MALT1: variants seen among roughly 807,000 people sequenced by gnomAD.
MALT1 encodes the protein MALT1 paracaspase, also known as mucosa-associated lymphoid tissue lymphoma translocation protein 1.
A neutral mutation model predicts 85.5 loss-of-function variants in MALT1; 36 were observed. That is an observed-to-expected ratio of 0.42 (90% CI 0.32 to 0.56). MALT1 has a LOEUF of 0.56. Among genes scored for constraint, MALT1 ranks in the 20% least tolerant of loss-of-function variants. The pLI, the probability that MALT1 is intolerant of heterozygous loss-of-function variation, is 0.10. For missense variants in MALT1, 716 were observed against 981.6 expected (o/e 0.73, Z 3.62); for synonymous variants, 359 against 361.3 (o/e 0.99, Z 0.07).
intron 2 of MALT1, among the ~76,000 whole-genome samples, chr18:58,694,166 C>T (rs564522659): frequency 2.0e-5 from 3 of 152,188 alleles, no homozygotes; most frequent in African/African-American, 7.2e-5. Context: ...TGAATGTCCT[C>T]CCTTGGCAAG....
At chr18:58,683,972 C>T (rs1018294716) in intron 2 of MALT1, among the ~76,000 whole-genome samples, 17 of 152,170 alleles carry the variant, frequency 1.1e-4, no homozygotes, top group Admixed American at 2.6e-4. Context: ...TGCTCTGTCT[C>T]CCAGGCTGGA....
intron 1 of MALT1, among the ~76,000 whole-genome samples, chr18:58,679,111 C>A (rs535934934): frequency 1.3e-5 from 2 of 152,296 alleles, no homozygotes; most frequent in South Asian, 4.2e-4. Flanking sequence ...GTACTTTCCC[C>A]TTCTATAAAA....
At chr18:58,704,505 G>A (rs767787242) in intron 4 of MALT1, among the ~76,000 whole-genome samples, 1 of 152,184 alleles carries the variant, frequency 6.6e-6, no homozygotes, top group Non-Finnish European at 1.5e-5. Context: ...CACCGAGGTT[G>A]GAGTGCAGTG....
In MALT1 at chr18:58,730,123, A is replaced by G. The variant is rs771122389; in HGVS notation, c.1223-3274A>G. Among the ~76,000 whole-genome samples, 48 of 152,232 alleles carry G rather than the reference A, an allele frequency of 3.2e-4. 1 individual carries two copies. Among genetic ancestry groups the G allele is most frequent in the Admixed American group, 3.9e-4 (6 of 15,280 alleles). ...AGTTTATCTTGCTCTTGAAGCAGTA[A>G]AGAGACTGATGGAAAATAAAGTTAT... On this transcript the variant is annotated intron_variant, in intron 10 of 16. Coordinates refer to ENST00000649217, the MANE Select transcript of MALT1 (RefSeq NM_006785.4).
intron 2 of MALT1, among the ~76,000 whole-genome samples, chr18:58,688,767 T>G (rs1287162597): frequency 6.6e-6 from 1 of 152,094 alleles, no homozygotes. Context: ...AGCCGTGTCC[T>G]GGTGTGGGAT....
chr18:58,733,410 T>C lies in MALT1; in HGVS notation c.1236T>C (p.Tyr412=), dbSNP rs750258421. The C allele has an allele frequency of 5.6e-6, 9 of 1,606,686 alleles. No individual in the cohort carries two copies. Among genetic ancestry groups the C allele is most frequent in the South Asian group, 1.1e-5 (1 of 89,346 alleles). Residue 412 remains tyrosine, a synonymous_variant, in exon 11 of 17, where the codon TAT becomes TAC. Coordinates refer to ENST00000649217, the MANE Select transcript of MALT1 (RefSeq NM_006785.4). ...LDKGVYGLLY[Y]AGHGYENFGN... ...TCCTCTTTTCAGGGTTATTATATTA[T>C]GCAGGACATGGTTATGAAAATTTTG... is the stretch of plus-strand genomic sequence containing the variant.
At chr18:58,701,582 A>G (rs1209953042) in intron 4 of MALT1, among the ~76,000 whole-genome samples, 1 of 152,214 alleles carries the variant, frequency 6.6e-6, no homozygotes, top group Admixed American at 6.5e-5. Flanking sequence ...CTTACCAGTT[A>G]TGCAATTCAT....
At chr18:58,688,321 C>CACAT (rs2054437555) in intron 2 of MALT1, among the ~76,000 whole-genome samples, 1 of 142,434 alleles carries the variant, frequency 7.0e-6, no homozygotes, top group Non-Finnish European at 1.6e-5. Context: ...CACACACACA[C>CACAT]ACACACGCTT....
chr18:58,708,199 A>T (rs1276689685), intron 4 of MALT1, among the ~76,000 whole-genome samples: 1 of 152,174 alleles, frequency 6.6e-6, no homozygotes, highest in African/African-American at 2.4e-5. Context: ...TGCACTTCAC[A>T]GGTGATCTTT....
chr18:58,707,845 G>A lies in MALT1; in HGVS notation c.650-1533G>A, dbSNP rs183815611. Among the ~76,000 whole-genome samples the A allele has an allele frequency of 6.6e-5, 10 of 152,244 alleles. No individual in the cohort carries two copies. The East Asian group carries it at 1.7e-3, about 26-fold the overall frequency. On this transcript the variant is annotated intron_variant, in intron 4 of 16. Coordinates refer to ENST00000649217, the MANE Select transcript of MALT1 (RefSeq NM_006785.4). The stretch of plus-strand genomic sequence containing the variant: ...TAGATGTATTCAGTTTACTACTGAC[G>A]GAATTGAGGGTAGAATGAGGATTTC...
At position 58,710,025 on chromosome 18, in the gene MALT1, A is replaced by G. The variant is rs1445398673; in HGVS notation, c.878A>G (p.Tyr293Cys). 1.2e-6 allele frequency: 2 copies of G among 1,612,854 alleles called. No individual in the cohort carries two copies. Among genetic ancestry groups the G allele is most frequent in the Non-Finnish European group, 1.7e-6 (2 of 1,179,282 alleles). Residue 293 changes from tyrosine (Y) to cysteine (C), a missense_variant, in exon 6 of 17, where the codon TAT becomes TGT. By Grantham distance (194) the Tyr-to-Cys change is radical. This residue lies in a region of MALT1 where 290 missense variants were observed against 380.5 expected (regional missense o/e 0.76). Coordinates refer to ENST00000649217, the MANE Select transcript of MALT1 (RefSeq NM_006785.4). ...CAAGGAACCTACTGGTGTCATGTAT[A>G]TAATGATCGAGACAGTCAAGATAGC... The part of the protein sequence containing the change: ...EHQGTYWCHV[Y>C]NDRDSQDSKK...
At chr18:58,688,601 C>T (rs1031477309) in intron 2 of MALT1, among the ~76,000 whole-genome samples, 2 of 143,336 alleles carry the variant, frequency 1.4e-5, no homozygotes, top group Non-Finnish European at 3.1e-5. Context: ...GTGTCCCATA[C>T]AAAGGAAGGA....
At position 58,747,721 on chromosome 18, in the gene MALT1, C is replaced by A. The variant is rs543467796; in HGVS notation, c.2354C>A (p.Ala785Glu). 6.2e-7 allele frequency: 1 copy of A among 1,614,180 alleles called. No homozygotes were observed. The highest frequency in any genetic ancestry group is 1.3e-5 in the African/African-American group (1 of 75,050). ...TGTCATTGCAGCCGGACTCCAGATG[C>A]ATTTATTTCAAGTTTCGCTCACCAT... is the stretch of plus-strand genomic sequence containing the variant. ...DSCHCSRTPD[A>E]FISSFAHHAS... Residue 785 changes from alanine (A) to glutamate (E), a missense_variant, in exon 17 of 17, where the codon GCA becomes GAA. Coordinates refer to ENST00000649217, the MANE Select transcript of MALT1 (RefSeq NM_006785.4).
intron 10 of MALT1, among the ~76,000 whole-genome samples, chr18:58,731,377 C>G (rs909728129): frequency 1.3e-5 from 2 of 152,210 alleles, no homozygotes; most frequent in Admixed American, 1.3e-4. Flanking sequence ...TTTACCTGAT[C>G]TTCGTGGTTT....
chr18:58,686,545 G>A (rs985051422), intron 2 of MALT1, among the ~76,000 whole-genome samples: 1 of 152,216 alleles, frequency 6.6e-6, no homozygotes, highest in East Asian at 1.9e-4. Flanking sequence ...TTCAGCTCCA[G>A]TGCTGCAATA....
intron 9 of MALT1, among the ~76,000 whole-genome samples, chr18:58,717,235 T>C (rs895284728): frequency 1.3e-5 from 2 of 151,994 alleles, no homozygotes; most frequent in Non-Finnish European, 2.9e-5. Context: ...TTGTGGTGCA[T>C]GCCTGTAATC....
Position 58,710,073 on chromosome 18 carries a change from G to T in MALT1, c.925+1G>T, listed in dbSNP as rs2144389201. 6.3e-7 allele frequency: 1 copy of T among 1,587,946 alleles called. No individual in the cohort carries two copies. The highest frequency in any genetic ancestry group is 8.6e-7 in the Non-Finnish European group (1 of 1,157,302). On this transcript the variant is annotated splice_donor_variant, in intron 6 of 16. Coordinates refer to ENST00000649217, the MANE Select transcript of MALT1 (RefSeq NM_006785.4). LOFTEE classifies it high-confidence loss of function. ...AGCAAGAAGGTAGAAATCATCATAG[G>T]TAAGAAGTATTTCCCCAGTGTTCTG...
chr18:58,679,206 A>G (rs1349534869), intron 1 of MALT1, among the ~76,000 whole-genome samples: 1 of 152,212 alleles, frequency 6.6e-6, no homozygotes, highest in Non-Finnish European at 1.5e-5. Flanking sequence ...GTATACCACT[A>G]CTGCACACAA....
intron 4 of MALT1, among the ~76,000 whole-genome samples, chr18:58,707,380 G>A (rs1044909336): frequency 1.3e-5 from 2 of 148,858 alleles, no homozygotes; most frequent in African/African-American, 2.5e-5. Flanking sequence ...TTTTTAACAA[G>A]TAAACATGGT....
Sources: gnomAD v4.1 joint callset for allele counts (sites outside exome capture counted in the v4.1 genomes callset) on GRCh38, gnomAD v4.1.1 for gene constraint, gnomAD v4.1.1 regional missense constraint, MANE v1.5 for transcripts, NCBI Gene and HGNC (gene_info 2026-07-23, HGNC 2026-07-21) for gene names.